Variants in ACACB observed in about 807,000 individuals in gnomAD.
ACACB encodes acetyl-CoA carboxylase 2.
ACACB carries 209 observed loss-of-function variants against 278.8 expected under a neutral mutation model. That is an observed-to-expected ratio of 0.75 (90% confidence interval 0.67 to 0.84). ACACB has a LOEUF of 0.84. Ranked by LOEUF, ACACB falls within the 40% of genes least tolerant of loss-of-function variation. ACACB has a pLI of 0.00. For synonymous variants in ACACB, 1,174 were observed against 1,285.6 expected, an observed-to-expected ratio of 0.91 and a Z score of 1.86; for missense variants, 2,850 against 3,269.0, an observed-to-expected ratio of 0.87 and a Z score of 3.13.
intron 24 of ACACB, among the ~76,000 whole-genome samples, chr12:109,219,902 G>C (rs918042775): frequency 6.6e-6 from 1 of 152,162 alleles, no homozygotes; most frequent in Non-Finnish European, 1.5e-5. Context: ...CCACTCTTTG[G>C]GGGGAGTTCT....
chr12:109,166,964 C>A lies in ACACB; in HGVS notation c.757C>A (p.Arg253Ser). Residue 253 changes from arginine to serine, a missense_variant, in exon 3 of 53, where the codon CGC (arginine) becomes AGC (serine). By Grantham distance (110) the Arg-to-Ser change is moderately radical. Around this residue, in one of 3 missense-constraint regions of ACACB, gnomAD observed 2,265 missense variants for 2,561.3 expected, o/e 0.88. Transcript: ENST00000338432. ...GGCTTCTCCCGCTGAGTTTGTCACA[C>A]GCTTTGGGGGGGATCGGGTCATCGA... Reference protein sequence around the residue: ...TVASPAEFVTRFGGDRVIEKV... With the variant: ...TVASPAEFVTSFGGDRVIEKV... 1 of 1,613,936 alleles carries A rather than the reference C, an allele frequency of 6.2e-7. No homozygotes were observed. The highest frequency in any genetic ancestry group is 1.1e-5 in the South Asian group (1 of 91,056).
chr12:109,226,736 C>T (rs1450147019), intron 27 of ACACB, among the ~76,000 whole-genome samples: 1 of 150,526 alleles, frequency 6.6e-6, no homozygotes. Context: ...TGCAGCCACA[C>T]CCATTCATTT....
In ACACB at chr12:109,233,829, C is replaced by T. The variant is rs2046549943; in HGVS notation, c.4221C>T (p.Tyr1407=). The T allele has an allele frequency of 6.2e-7, 1 of 1,614,240 alleles. No homozygotes were observed. ...PLFSEARTSL[Y]SEDDCKSLRE... ...TCAGCGAGGCCCGCACCTCCCTATACTCCGAGGATGACTGCAAGGTAAGCG... is the reference window on the plus strand; with the variant it reads ...TCAGCGAGGCCCGCACCTCCCTATATTCCGAGGATGACTGCAAGGTAAGCG... Residue 1407 remains tyrosine (Y), a synonymous_variant, in exon 30 of 53, where the codon TAC becomes TAT. Coordinates refer to ENST00000338432, the MANE Select transcript of ACACB (RefSeq NM_001093.4).
chr12:109,267,519 C>T lies in ACACB; in HGVS notation c.*1157C>T, dbSNP rs1303907559. The T allele has an allele frequency of 6.6e-6, 1 of 152,420 alleles. No individual in the cohort carries two copies. Among genetic ancestry groups the T allele is most frequent in the Non-Finnish European group, 1.5e-5 (1 of 68,196 alleles). The allele number at this position is 152,420 out of a possible 1,614,324, so 9.4% of individuals were successfully genotyped here. On this transcript the variant is annotated 3_prime_UTR_variant, in exon 53 of 53. Transcript: ENST00000338432. ...GGCGGAGAGGAATCCCTTACCACACCCACGGCCCAGCTTGCTCACGAGTGT... is the reference window on the plus strand; with the variant it reads ...GGCGGAGAGGAATCCCTTACCACACTCACGGCCCAGCTTGCTCACGAGTGT...
At chr12:109,218,075 C>T (rs999829613) in intron 24 of ACACB, among the ~76,000 whole-genome samples, 2 of 152,248 alleles carry the variant, frequency 1.3e-5, no homozygotes, top group Non-Finnish European at 2.9e-5. Flanking sequence ...AACCAATAGT[C>T]TGACTCCAGA....
intron 29 of ACACB, 58 bp from the exon 30 acceptor site, chr12:109,233,690 G>T: frequency 1.4e-6 from 2 of 1,466,546 alleles, no homozygotes; most frequent in South Asian, 2.3e-5. Flanking sequence ...TTGGAAGCTT[G>T]ACCTCATCCC....
In ACACB at chr12:109,233,970, T is replaced by C; in HGVS notation, c.4272T>C (p.Asn1424=). 6.2e-7 allele frequency: 1 copy of C among 1,614,118 alleles called. No individual in the cohort carries two copies. ...SLREEPIHIL[N]VSIQCADHLE... The stretch of plus-strand genomic sequence containing the variant: ...GAGAAGAGCCCATCCACATTCTGAA[T>C]GTGTCCATCCAGTGTGCAGACCACC... Residue 1424 remains asparagine (N), a synonymous_variant, in exon 31 of 53, where the codon AAT becomes AAC. Transcript: ENST00000338432.
At chr12:109,250,229 A>G in intron 41 of ACACB, 125 bp downstream of exon 41, 1 of 1,028,648 alleles carries the variant, frequency 9.7e-7, no homozygotes, top group Non-Finnish European at 1.3e-6. Flanking sequence ...TACAGTTACC[A>G]CATGCCAGCC....
intron 40 of ACACB, 61 bp from the exon 41 acceptor site, chr12:109,249,923 G>A: frequency 6.5e-7 from 1 of 1,546,770 alleles, no homozygotes. Context: ...CTTGGGAAAT[G>A]CATCCACCTT....
chr12:109,219,878 G>T (rs762586901), intron 24 of ACACB, among the ~76,000 whole-genome samples: 14 of 152,184 alleles, frequency 9.2e-5, no homozygotes, highest in Non-Finnish European at 1.3e-4. Flanking sequence ...GGGAATTTAT[G>T]CCCAAGGAGA....
rs777510923 is a variant in ACACB at position 109,260,614 on chromosome 12, A to T, written c.6631A>T (p.Ile2211Phe). The T allele has an allele frequency of 3.7e-6, 6 of 1,608,696 alleles. No individual in the cohort carries two copies. In the Admixed American group the frequency reaches 6.8e-5, roughly 18 times the overall value. The change falls in exon 48 of 53, where the codon ATC (isoleucine) becomes TTC (phenylalanine). Residue 2211 changes from isoleucine to phenylalanine, a missense_variant. Ile to Phe is a conservative substitution (Grantham distance 21). Coordinates refer to ENST00000338432, the MANE Select transcript of ACACB (RefSeq NM_001093.4). ...GGSWVVIDAT[I>F]NPLCIEMYAD... Reference sequence around the variant, plus strand: ...CTCCTGGGTGGTCATAGATGCCACCATCAACCCGCTGTGCATAGAAATGTA... The same window carrying T: ...CTCCTGGGTGGTCATAGATGCCACCTTCAACCCGCTGTGCATAGAAATGTA...
upstream of ACACB, among the ~76,000 whole-genome samples, chr12:109,113,995 T>C (rs1344810975): frequency 1.3e-5 from 2 of 152,166 alleles, no homozygotes; most frequent in African/African-American, 4.8e-5. Flanking sequence ...TTTTCTTTTT[T>C]TTGCGATAGA....
chr12:109,138,501 AATG>A (rs1167815716), intron 1 of ACACB, among the ~76,000 whole-genome samples: 1 of 151,994 alleles, frequency 6.6e-6, no homozygotes. Context: ...ATAATACTAG[AATG>A]ATGATGATGA....
intron 1 of ACACB, among the ~76,000 whole-genome samples, chr12:109,119,947 T>C (rs144264127): frequency 6.6e-5 from 10 of 152,178 alleles, no homozygotes; most frequent in African/African-American, 2.4e-4. Flanking sequence ...GTTGAACTAA[T>C]TAAGCTCCAT....
intron 13 of ACACB, 64 bp downstream of exon 13, chr12:109,188,226 CTT>C: frequency 5.3e-6 from 7 of 1,318,170 alleles, no homozygotes; most frequent in African/African-American, 1.6e-5. Flanking sequence ...TCCTTCCTTC[CTT>C]CCTTCCCTCT....
chr12:109,201,622 T>C lies in ACACB; in HGVS notation c.2834T>C (p.Ile945Thr). ...NVQERGRVKYIKRPGAVLEAG... is the reference protein window; with the variant it reads ...NVQERGRVKYTKRPGAVLEAG... ...CAGGAAAGAGGCCGGGTGAAGTACA[T>C]CAAGCGTCCAGGTGCCGTGCTGGAA... Residue 945 changes from isoleucine to threonine, a missense_variant, in exon 19 of 53, where the codon ATC becomes ACC. Coordinates refer to ENST00000338432, the MANE Select transcript of ACACB (RefSeq NM_001093.4). The C allele has an allele frequency of 6.2e-7, 1 of 1,614,128 alleles. No homozygotes were observed. Among genetic ancestry groups the C allele is most frequent in the Non-Finnish European group, 8.5e-7 (1 of 1,180,022 alleles).
intron 11 of ACACB, among the ~76,000 whole-genome samples, chr12:109,183,284 T>C (rs2044543099): frequency 6.6e-6 from 1 of 152,226 alleles, no homozygotes; most frequent in Non-Finnish European, 1.5e-5. Context: ...TGTTTCCATA[T>C]AAACTTTAGG....
intron 11 of ACACB, among the ~76,000 whole-genome samples, chr12:109,180,724 G>A (rs556671930): frequency 1.1e-4 from 17 of 151,560 alleles, no homozygotes; most frequent in Non-Finnish European, 1.9e-4. Context: ...TGCAGCCTCC[G>A]CCTCCCAGGC....
intron 28 of ACACB, 58 bp downstream of exon 28, chr12:109,227,547 C>G (rs561296273): frequency 1.3e-6 from 2 of 1,529,324 alleles, no homozygotes; most frequent in Non-Finnish European, 1.8e-6. Flanking sequence ...TGACCTCTGT[C>G]GTCCTGTCTC....
Sources: allele counts gnomAD v4.1 joint callset (sites outside exome capture counted in the v4.1 genomes callset), GRCh38; gene constraint gnomAD v4.1.1; regional missense constraint gnomAD v4.1.1; transcripts MANE v1.5; gene names NCBI Gene and HGNC (gene_info 2026-07-23, HGNC 2026-07-21).